SCN7A: variants seen among roughly 807,000 people sequenced by gnomAD.
SCN7A encodes sodium channel protein type 7 subunit alpha.
A neutral mutation model predicts 155.2 loss-of-function variants in SCN7A; 138 were observed. That is an observed-to-expected ratio of 0.89 (90% confidence interval 0.77 to 1.02). The LOEUF is 1.02. Ranked by LOEUF, SCN7A falls within the 50% of genes least tolerant of loss-of-function variation. SCN7A has a pLI of 0.00. For synonymous variants in SCN7A, 693 were observed against 649.0 expected, an observed-to-expected ratio of 1.07 and a Z score of -1.03; for missense variants, 2,058 against 1,986.6, an observed-to-expected ratio of 1.04 and a Z score of -0.68.
At chr2:166,476,166 C>T (rs539959779) in intron 3 of SCN7A, among the ~76,000 whole-genome samples, 1 of 151,716 alleles carries the variant, frequency 6.6e-6, no homozygotes, top group Non-Finnish European at 1.5e-5. Flanking sequence ...CTGCATAATG[C>T]CCATGGAGGC....
At chr2:166,479,644 T>C (rs890785665) in intron 2 of SCN7A, among the ~76,000 whole-genome samples, 5 of 152,024 alleles carry the variant, frequency 3.3e-5, no homozygotes, top group African/African-American at 1.2e-4. Context: ...ATTTGGTTTT[T>C]CAGTTTAAGT....
intron 11 of SCN7A, 27 bp downstream of exon 11, chr2:166,456,815 TATATATATATATATAGATAGATAGATAG>T: frequency 2.2e-6 from 1 of 453,356 alleles, no homozygotes; most frequent in East Asian, 5.1e-5. Context: ...TATATATATA[TATATATATATATATAGATAGATAGATAG>T]ATAGATAGAT....
chr2:166,489,998 TA>T (rs1683048949), intron 1 of SCN7A, among the ~76,000 whole-genome samples: 1 of 151,982 alleles, frequency 6.6e-6, no homozygotes, highest in African/African-American at 2.4e-5. Flanking sequence ...GATGTTATTT[TA>T]TATATATAAA....
At chr2:166,480,788 A>G (rs1702908244) in intron 2 of SCN7A, among the ~76,000 whole-genome samples, 1 of 152,228 alleles carries the variant, frequency 6.6e-6, no homozygotes, top group Non-Finnish European at 1.5e-5. Flanking sequence ...ACTTCTTCGA[A>G]GAAAAAATTC....
chr2:166,447,353 T>C (rs746463552), intron 12 of SCN7A, among the ~76,000 whole-genome samples: 1 of 152,202 alleles, frequency 6.6e-6, no homozygotes, highest in Non-Finnish European at 1.5e-5. Context: ...AATCTCTATA[T>C]TTAGTCACAA....
At chr2:166,479,711 T>C (rs1176639247) in intron 2 of SCN7A, among the ~76,000 whole-genome samples, 1 of 152,044 alleles carries the variant, frequency 6.6e-6, no homozygotes, top group Non-Finnish European at 1.5e-5. Context: ...AAATATACTT[T>C]GACTGAGCCC....
At chr2:166,433,404 C>T (rs1311472646) in intron 15 of SCN7A, among the ~76,000 whole-genome samples, 1 of 152,056 alleles carries the variant, frequency 6.6e-6, no homozygotes, top group African/African-American at 2.4e-5. Context: ...CAATACTATT[C>T]AGTTCTTATC....
rs376717796 is a variant in SCN7A at position 166,441,551 on chromosome 2, G to A, written c.2002C>T (p.Arg668Cys). 11 of 1,613,918 alleles carry A rather than the reference G, an allele frequency of 6.8e-6. No homozygotes were observed. Among genetic ancestry groups the A allele is most frequent in the Middle Eastern group, 1.6e-4 (1 of 6,082 alleles). The change falls in exon 15 of 26, where the codon CGC (arginine) becomes TGC (cysteine). Residue 668 changes from arginine to cysteine, a missense_variant. Physicochemically the swap from Arg to Cys is radical, Grantham distance 180. Transcript: ENST00000643258. Reference protein sequence around the residue: ...CHIDKDCQLPRWHMHDFFHSF... With the variant: ...CHIDKDCQLPCWHMHDFFHSF... The stretch of plus-strand genomic sequence containing the variant: ...TGGAAAAAGTCATGCATGTGCCAGC[G>A]TGGGAGTTGACAGTCTTTGTCTATG...
Position 166,432,494 on chromosome 2 carries a change from T to C in SCN7A, c.2416A>G (p.Lys806Glu), listed in dbSNP as rs769891736. 1.2e-6 allele frequency: 2 copies of C among 1,613,666 alleles called. No homozygotes were observed. The highest frequency in any genetic ancestry group is 4.5e-5 in the East Asian group (2 of 44,852). ...GTGCCACTGCTTTTTTCCTTATCTT[T>C]GAGAAAATCTTGGGTGTTGCTCAAT... The part of the protein sequence containing the change: ...SELSNTQDFL[K>E]DKEKSSGTEK... The change falls in exon 16 of 26, where the codon AAA (lysine) becomes GAA (glutamate). Residue 806 changes from lysine to glutamate, a missense_variant. Lys to Glu is a moderately conservative substitution (Grantham distance 56). Transcript: ENST00000643258.
In SCN7A at chr2:166,406,574, C is replaced by T. The variant is rs565119517; in HGVS notation, c.4055G>A (p.Arg1352Gln). The change falls in exon 26 of 26, where the codon CGG becomes CAG. Residue 1352 changes from arginine (R) to glutamine (Q), a missense_variant. Arg to Gln is a conservative substitution (Grantham distance 43). Transcript: ENST00000643258. The part of the protein sequence containing the change: ...PSLVQLILLS[R>Q]IIHMLRLGKG... ...TCCAAGACGCAGCATGTGAATGATC[C>T]GTGAGAGAAGTATCAGTTGCACAAG... The T allele has an allele frequency of 8.7e-6, 14 of 1,612,468 alleles. No individual in the cohort carries two copies. The highest frequency in any genetic ancestry group is 2.7e-5 in the African/African-American group (2 of 74,882).
At chr2:166,415,553 T>C (rs1701357969) in intron 21 of SCN7A, among the ~76,000 whole-genome samples, 1 of 152,058 alleles carries the variant, frequency 6.6e-6, no homozygotes, top group Admixed American at 6.6e-5. Flanking sequence ...GTGTTGTATG[T>C]TGCGGGAAGT....
At chr2:166,465,626 T>G in intron 8 of SCN7A, 95 bp from the exon 9 acceptor site, 1 of 1,233,422 alleles carries the variant, frequency 8.1e-7, no homozygotes, top group South Asian at 1.3e-5. Flanking sequence ...TAAAATACCT[T>G]TCTGCAATTG....
intron 14 of SCN7A, among the ~76,000 whole-genome samples, chr2:166,442,941 C>A (rs1345260459): frequency 1.3e-5 from 2 of 152,208 alleles, no homozygotes; most frequent in African/African-American, 2.4e-5. Flanking sequence ...TTAATTCCTG[C>A]TACATTCCTT....
At chr2:166,492,262 G>C (rs1280170016) in intron 1 of SCN7A, among the ~76,000 whole-genome samples, 1 of 152,016 alleles carries the variant, frequency 6.6e-6, no homozygotes, top group Admixed American at 6.5e-5. Flanking sequence ...TGTACAAATT[G>C]AGTTCTTTCT....
chr2:166,429,136 A>G, intron 17 of SCN7A, 33 bp downstream of exon 17: 1 of 1,211,676 alleles, frequency 8.3e-7, no homozygotes, highest in Non-Finnish European at 1.2e-6. Context: ...AATTCAAATT[A>G]GTTTCCTAGC....
chr2:166,459,722 C>T (rs1030086343), intron 10 of SCN7A, among the ~76,000 whole-genome samples: 5 of 152,036 alleles, frequency 3.3e-5, no homozygotes, highest in African/African-American at 7.3e-5. Context: ...GACTTGGAAC[C>T]AATCCAATGC....
chr2:166,415,311 G>A (rs1337620205), intron 21 of SCN7A, among the ~76,000 whole-genome samples: 11 of 147,466 alleles, frequency 7.5e-5, no homozygotes, highest in Non-Finnish European at 7.4e-5. Context: ...TGCAACCTCC[G>A]CCTCCTAGGT....
rs1559083128 is a variant in SCN7A, at chr2:166,406,606, A to C, written c.4023T>G (p.Pro1341=). The change falls in exon 26 of 26, where the codon CCT becomes CCG. Residue 1341 remains proline, a synonymous_variant. Transcript: ENST00000643258. ...GAAGTATCAGTTGCACAAGTGAAGG[A>C]GGCACAAGGTAGGATCCTACTGTCA... ...LPMTVGSYLV[P]PSLVQLILLS... is the part of the protein sequence containing the mutation. The C allele has an allele frequency of 1.2e-6, 2 of 1,611,800 alleles. No homozygotes were observed. Among genetic ancestry groups the C allele is most frequent in the Non-Finnish European group, 1.7e-6 (2 of 1,178,688 alleles).
chr2:166,408,681 G>T (rs1356230132), intron 25 of SCN7A, among the ~76,000 whole-genome samples: 1 of 151,346 alleles, frequency 6.6e-6, no homozygotes, highest in African/African-American at 2.4e-5. Flanking sequence ...TAGTTGCATT[G>T]TTTCCACTAT....
Sources: gnomAD v4.1 joint callset for allele counts (sites outside exome capture counted in the v4.1 genomes callset) on GRCh38, gnomAD v4.1.1 for gene constraint, MANE v1.5 for transcripts, NCBI Gene and HGNC (gene_info 2026-07-23, HGNC 2026-07-21) for gene names.